Variants in LMX1A observed in about 807,000 individuals in gnomAD.
LMX1A encodes the protein LIM homeobox transcription factor 1-alpha.
In LMX1A, 15 loss-of-function variants were observed where a neutral mutation model predicts 49.1. The observed-to-expected ratio is 0.31, with a 90% confidence interval of 0.20 to 0.47. The LOEUF (loss-of-function observed/expected upper bound fraction) is 0.47. Ranked by LOEUF, LMX1A falls within the 20% of genes least tolerant of loss-of-function variation. The probability of loss-of-function intolerance (pLI) is 1.00; values close to 1 mark genes in which losing one functional copy is unlikely to be tolerated. For missense variants in LMX1A, 372 were observed against 475.8 expected (o/e 0.78, Z 2.03); for synonymous variants, 167 against 185.7 (o/e 0.90, Z 0.82).
At chr1:165,208,163 T>C (rs1651176812) in intron 6 of LMX1A, 31 bp from the exon 7 acceptor site, 1 of 1,604,248 alleles carries the variant, frequency 6.2e-7, no homozygotes. Context: ...GGATTAGAAG[T>C]CAGGTGGCCT....
At chr1:165,276,069 GA>G (rs1653959640) in intron 3 of LMX1A, among the ~76,000 whole-genome samples, 1 of 152,032 alleles carries the variant, frequency 6.6e-6, no homozygotes, top group Non-Finnish European at 1.5e-5. Flanking sequence ...AGAAGAGGGG[GA>G]GGGGCCAAGA....
chr1:165,204,831 G>A (rs988395206), intron 8 of LMX1A, among the ~76,000 whole-genome samples: 2 of 152,172 alleles, frequency 1.3e-5, no homozygotes, highest in Admixed American at 6.5e-5. Flanking sequence ...GTGGAGTAAA[G>A]AATGGTACAG....
intron 2 of LMX1A, among the ~76,000 whole-genome samples, chr1:165,353,922 A>C (rs969198329): frequency 9.9e-5 from 15 of 152,230 alleles, no homozygotes; most frequent in Admixed American, 8.5e-4. Context: ...ATAGCGGAAG[A>C]AGCAAGCCGC....
At chr1:165,268,109 G>C (rs1653683059) in intron 3 of LMX1A, among the ~76,000 whole-genome samples, 1 of 152,064 alleles carries the variant, frequency 6.6e-6, no homozygotes, top group African/African-American at 2.4e-5. Flanking sequence ...AGATCAGAGG[G>C]GAACTAGGGC....
At chr1:165,315,386 T>C (rs1655188524) in intron 3 of LMX1A, among the ~76,000 whole-genome samples, 1 of 152,184 alleles carries the variant, frequency 6.6e-6, no homozygotes, top group South Asian at 2.1e-4. Context: ...CAACCTTGGT[T>C]TAAAGCCCCC....
chr1:165,293,051 A>T (rs886338128), intron 3 of LMX1A, among the ~76,000 whole-genome samples: 24 of 151,250 alleles, frequency 1.6e-4, no homozygotes, highest in African/African-American at 5.8e-4. Flanking sequence ...CGGGAGGTGG[A>T]GGTTGCAGTG....
intron 3 of LMX1A, among the ~76,000 whole-genome samples, chr1:165,308,743 G>A (rs1654990177): frequency 1.3e-5 from 2 of 152,128 alleles, no homozygotes; most frequent in African/African-American, 4.8e-5. Flanking sequence ...TTGGGTCTAT[G>A]TGAGTGTAAT....
intron 3 of LMX1A, among the ~76,000 whole-genome samples, chr1:165,317,321 G>A (rs993460648): frequency 1.3e-5 from 2 of 152,182 alleles, no homozygotes; most frequent in Non-Finnish European, 2.9e-5. Context: ...GGAAATACCT[G>A]AATATTTTTA....
At chr1:165,316,259 C>T (rs113794467) in intron 3 of LMX1A, among the ~76,000 whole-genome samples, 78 of 152,320 alleles carry the variant, frequency 5.1e-4, no homozygotes, top group Middle Eastern at 3.4e-3. Flanking sequence ...CACTGGGCAG[C>T]ATCTGTCCCC....
chr1:165,213,836 T>C (rs766407270), intron 4 of LMX1A, 23 bp from the exon 5 acceptor site: 11 of 1,611,594 alleles, frequency 6.8e-6, no homozygotes, highest in South Asian at 2.2e-5. Flanking sequence ...AAAGACAATG[T>C]TGTGAGTCCC....
intron 1 of LMX1A, 99 bp downstream of exon 1, chr1:165,356,256 A>C (rs6665237): frequency 0.16 from 23,566 of 152,012 alleles, 1,918 homozygotes; most frequent in Middle Eastern, 0.2. Context: ...CTCGGGGAGG[A>C]GCCCCGGCTG....
chr1:165,219,693 G>A (rs1304211926), intron 4 of LMX1A, among the ~76,000 whole-genome samples: 5 of 152,200 alleles, frequency 3.3e-5, no homozygotes, highest in Admixed American at 3.3e-4. Context: ...CTTCAAGGGA[G>A]TTTCTACTCA....
At chr1:165,260,795 G>C (rs1415319710) in intron 3 of LMX1A, among the ~76,000 whole-genome samples, 1 of 152,150 alleles carries the variant, frequency 6.6e-6, no homozygotes. Context: ...GACAATCTGA[G>C]TAAAAATCTC....
At chr1:165,226,785 TG>T (rs1447503016) in intron 4 of LMX1A, among the ~76,000 whole-genome samples, 1 of 152,272 alleles carries the variant, frequency 6.6e-6, no homozygotes, top group Non-Finnish European at 1.5e-5. Context: ...ATTTTCCCAA[TG>T]AAGGAGTTCT....
chr1:165,353,480 GC>G (rs1469347803), intron 2 of LMX1A, among the ~76,000 whole-genome samples: 1 of 152,110 alleles, frequency 6.6e-6, no homozygotes, highest in Non-Finnish European at 1.5e-5. Context: ...TTAATTCCAA[GC>G]GGGGGAGGGT....
chr1:165,302,041 C>T (rs1654795368), intron 3 of LMX1A, among the ~76,000 whole-genome samples: 1 of 152,160 alleles, frequency 6.6e-6, no homozygotes, highest in African/African-American at 2.4e-5. Flanking sequence ...AATTAAGTGA[C>T]TTCCCCAAGT....
rs768098300 is a variant in LMX1A at position 165,213,652 on chromosome 1, G to A, written c.658C>T (p.Pro220Ser). 1 of 1,614,018 alleles carries A rather than the reference G, an allele frequency of 6.2e-7. No homozygotes were observed. Among genetic ancestry groups the A allele is most frequent in the South Asian group, 1.1e-5 (1 of 91,066 alleles). Residue 220 changes from proline (P) to serine (S), a missense_variant, in exon 5 of 9, where the codon CCC (proline) becomes TCC (serine). Pro to Ser is a moderately conservative substitution (Grantham distance 74). Transcript: ENST00000342310. ...GCTCCCTCCTATACCTTCCTGCAGG[G>A]CTTGGAGGATACTTCAAATGAGGCC... ...FKASFEVSSK[P>S]CRKVRETLAA...
rs199519334 is a variant in LMX1A at position 165,235,323 on chromosome 1, CGA to C, written c.496+14083_496+14084del. On this transcript the variant is annotated intron_variant, in intron 4 of 8. Coordinates refer to ENST00000342310, the MANE Select transcript of LMX1A (RefSeq NM_177398.4). ...GTGCGAGGAGGGCTGGAGGCATGAGCGAAAGAGGGAAGGCAATCTCGGTCTCC... is the reference window on the plus strand; with the variant it reads ...GTGCGAGGAGGGCTGGAGGCATGAGCAAGAGGGAAGGCAATCTCGGTCTCC... Among the ~76,000 whole-genome samples the C allele has an allele frequency of 4.8e-3, 730 of 152,210 alleles. 10 individuals are homozygous for C. The highest frequency in any genetic ancestry group is 0.017 in the African/African-American group (686 of 41,544).
intron 3 of LMX1A, among the ~76,000 whole-genome samples, chr1:165,296,474 G>A (rs1654625479): frequency 6.6e-6 from 1 of 152,258 alleles, no homozygotes; most frequent in Non-Finnish European, 1.5e-5. Context: ...GTGCCCAATT[G>A]CATGTGGCTC....
Sources: gnomAD v4.1 joint callset for allele counts (sites outside exome capture counted in the v4.1 genomes callset) on GRCh38, gnomAD v4.1.1 for gene constraint, MANE v1.5 for transcripts, NCBI Gene and HGNC (gene_info 2026-07-23, HGNC 2026-07-21) for gene names.